The following SPTB variants were observed in gnomAD, a reference collection of about 807,000 sequenced individuals.
The protein encoded by SPTB is spectrin beta chain, erythrocytic.
In SPTB, 45 loss-of-function variants were observed where a neutral mutation model predicts 256.2. The observed-to-expected ratio is 0.18, with a 90% CI of 0.14 to 0.23. SPTB has a LOEUF of 0.23. Among genes scored for constraint, SPTB ranks in the 10% least tolerant of loss-of-function variants. The pLI, the probability that SPTB is intolerant of heterozygous loss-of-function variation, is 1.00. For synonymous variants in SPTB, 1,231 were observed against 1,243.1 expected (o/e 0.99, Z 0.21); for missense variants, 2,715 against 3,040.4 (o/e 0.89, Z 2.52).
chr14:64,875,839 GCA>G (rs1251763902), intron 1 of SPTB, among the ~76,000 whole-genome samples: 1 of 152,114 alleles, frequency 6.6e-6, no homozygotes, highest in Non-Finnish European at 1.5e-5. Context: ...AGCCCACATA[GCA>G]CAGTTATTTT....
intron 1 of SPTB, among the ~76,000 whole-genome samples, chr14:64,870,138 AAATAC>A (rs1882443480): frequency 6.6e-6 from 1 of 152,170 alleles, no homozygotes; most frequent in African/African-American, 2.4e-5. Flanking sequence ...GGTACTGTAA[AAATAC>A]AAAGGAGGAA....
chr14:64,823,973 C>T lies in SPTB; in HGVS notation c.-51-828G>A, dbSNP rs552948375. On this transcript the variant is annotated intron_variant, in intron 1 of 35. Coordinates refer to ENST00000644917, the MANE Select transcript of SPTB (RefSeq NM_001355436.2). The surrounding 1 kb of genome is among the most constrained non-coding windows in gnomAD (Gnocchi z 6.5). ...GCGCATCAGGAGCACTGGGTCCTCC[C>T]TCACCCGTCATCAGTCATTCCTACT... Among the ~76,000 whole-genome samples the T allele has an allele frequency of 6.6e-6, 1 of 152,290 alleles. No individual in the cohort carries two copies. Among genetic ancestry groups the T allele is most frequent in the East Asian group, 1.9e-4 (1 of 5,172 alleles).
rs535528314 is a variant in SPTB, at chr14:64,773,301, G to A, written c.5097C>T (p.Thr1699=). 1.2e-4 allele frequency: 191 copies of A among 1,614,172 alleles called. 4 individuals are homozygous for A. In the South Asian group the frequency reaches 1.8e-3, roughly 16 times the overall value. The change falls in exon 25 of 36, where the codon ACC becomes ACT. Residue 1699 remains threonine, a synonymous_variant. Coordinates refer to ENST00000644917, the MANE Select transcript of SPTB (RefSeq NM_001355436.2). ...CTGAAATCCACTGCTCCAGGTCGTC[G>A]GTCTCCCGCTTGAGCTGGAACAGGT... ...MYHLFQLKRE[T]DDLEQWISEK... is the part of the protein sequence containing the mutation.
chr14:64,850,696 G>A (rs143005400), intron 1 of SPTB, among the ~76,000 whole-genome samples: 3 of 152,298 alleles, frequency 2.0e-5, no homozygotes, highest in Non-Finnish European at 4.4e-5. Flanking sequence ...ACTTGTCATC[G>A]TGAAAATGGT....
In SPTB at chr14:64,799,784, C is replaced by A. The variant is rs149837193; in HGVS notation, c.1027G>T (p.Ala343Ser). 6.2e-7 allele frequency: 1 copy of A among 1,614,120 alleles called. No individual in the cohort carries two copies. Among genetic ancestry groups the A allele is most frequent in the African/African-American group, 1.3e-5 (1 of 74,942 alleles). ...SLTGVQQQLQ[A>S]FSTYRTVEKP... ...TCCACGGTGCGGTAGGTGCTGAAGG[C>A]CTGCAGCTGCTGCTGGACGCCCGTC... The change falls in exon 9 of 36, where the codon GCC (alanine) becomes TCC (serine). Residue 343 changes from alanine (A) to serine (S), a missense_variant. Physicochemically the swap from Ala to Ser is moderately conservative, Grantham distance 99. This residue lies in a region of SPTB where 416 missense variants were observed against 571.1 expected (regional missense o/e 0.73). Coordinates refer to ENST00000644917, the MANE Select transcript of SPTB (RefSeq NM_001355436.2).
intron 22 of SPTB, among the ~76,000 whole-genome samples, chr14:64,776,065 C>T (rs1038617876): frequency 6.6e-6 from 1 of 152,168 alleles, no homozygotes; most frequent in Non-Finnish European, 1.5e-5. Flanking sequence ...CTTCAGGAGG[C>T]CCTGACACGT....
At chr14:64,791,906 T>G in intron 14 of SPTB, 50 bp from the exon 15 acceptor site, 5 of 1,612,054 alleles carry the variant, frequency 3.1e-6, no homozygotes, top group Non-Finnish European at 4.2e-6. Flanking sequence ...GCAGCAGACA[T>G]TTCCTTGCCA....
At position 64,779,025 on chromosome 14, in the gene SPTB, C is replaced by T; in HGVS notation, c.4563+132G>A. ...TAAGATTACCAATACGGTTTGGAGA[C>T]CCCAAAGCTACCAACAAGAACAATA... On this transcript the variant is annotated intron_variant, in intron 22 of 35. Coordinates refer to ENST00000644917, the MANE Select transcript of SPTB (RefSeq NM_001355436.2). The surrounding 1 kb of genome is among the most constrained non-coding windows in gnomAD (Gnocchi z 4.2). The T allele has an allele frequency of 1.4e-6, 1 of 731,458 alleles. No individual in the cohort carries two copies. Among genetic ancestry groups the T allele is most frequent in the Non-Finnish European group, 2.4e-6 (1 of 415,644 alleles). 45.3% of individuals were successfully genotyped at this position (731,458 alleles called of 1,614,324 possible). A position where few individuals can be genotyped will look rare whatever the true frequency, so the allele number is the denominator to read the frequency against.
At chr14:64,830,031 C>G (rs568090468) in intron 1 of SPTB, among the ~76,000 whole-genome samples, 30 of 152,306 alleles carry the variant, frequency 2.0e-4, no homozygotes, top group Middle Eastern at 3.4e-3. Context: ...GATGTCGCTT[C>G]CTTGTGGAAG....
At chr14:64,868,775 C>T (rs968781189) in intron 1 of SPTB, among the ~76,000 whole-genome samples, 7 of 152,122 alleles carry the variant, frequency 4.6e-5, no homozygotes, top group African/African-American at 1.4e-4. Flanking sequence ...ACAATAATTC[C>T]GACCTTTTCT....
intron 33 of SPTB, among the ~76,000 whole-genome samples, chr14:64,750,541 C>T (rs1415509368): frequency 2.0e-5 from 3 of 151,844 alleles, no homozygotes; most frequent in Non-Finnish European, 4.4e-5. Context: ...TTTGGGAGGC[C>T]GAGGCGGGCG....
intron 1 of SPTB, among the ~76,000 whole-genome samples, chr14:64,862,307 G>A (rs572542314): frequency 1.3e-5 from 2 of 151,866 alleles, no homozygotes; most frequent in Non-Finnish European, 2.9e-5. Context: ...AGTGCCAGTG[G>A]GCACCACACA....
At chr14:64,842,728 C>T (rs1451928996) in intron 1 of SPTB, among the ~76,000 whole-genome samples, 2 of 152,134 alleles carry the variant, frequency 1.3e-5, no homozygotes, top group Admixed American at 6.5e-5. Flanking sequence ...CCTTTTGTGC[C>T]TCAGTTTCTC....
rs919182175 is a variant in SPTB at position 64,807,777 on chromosome 14, G to T, written c.149-2687C>A. ...CGGTGGCCTGGAGCCAGCTAGGCTG[G>T]GAACCCTGGTAGTGTGGACAGGAAG... On this transcript the variant is annotated intron_variant, in intron 2 of 35. Transcript: ENST00000644917. The surrounding 1 kb of genome is among the most constrained non-coding windows in gnomAD (Gnocchi z 4.7). Among the ~76,000 whole-genome samples, 1 of 152,222 alleles carries T rather than the reference G, an allele frequency of 6.6e-6. No individual in the cohort carries two copies. The highest frequency in any genetic ancestry group is 1.5e-5 in the Non-Finnish European group (1 of 68,038).
Position 64,795,704 on chromosome 14 carries a change from G to A in SPTB, c.1342-65C>T. ...CCCAGGGGCTCATCCCCAAACTCAG[G>A]GACAGGGCAGCTCCCTTCAGAACCA... On this transcript the variant is annotated intron_variant, in intron 11 of 35. Coordinates refer to ENST00000644917, the MANE Select transcript of SPTB (RefSeq NM_001355436.2). The surrounding 1 kb of genome is among the most constrained non-coding windows in gnomAD (Gnocchi z 6.5). The A allele has an allele frequency of 2.6e-6, 4 of 1,542,792 alleles. No homozygotes were observed. Among genetic ancestry groups the A allele is most frequent in the Non-Finnish European group, 3.6e-6 (4 of 1,119,570 alleles).
At chr14:64,791,627 T>G in intron 15 of SPTB, 92 bp downstream of exon 15, 1 of 940,492 alleles carries the variant, frequency 1.1e-6, no homozygotes, top group Admixed American at 1.8e-5. Flanking sequence ...TGTTGGTGCA[T>G]ACTAGGTGGA....
intron 1 of SPTB, among the ~76,000 whole-genome samples, chr14:64,878,716 G>A (rs1332880512): frequency 1.3e-5 from 2 of 152,080 alleles, no homozygotes; most frequent in African/African-American, 4.8e-5. Context: ...CCTACCTGGA[G>A]GTGACAGCCT....
intron 2 of SPTB, among the ~76,000 whole-genome samples, chr14:64,812,061 T>A (rs1453987148): frequency 1.3e-5 from 2 of 152,228 alleles, no homozygotes; most frequent in Non-Finnish European, 2.9e-5. Flanking sequence ...TATTTTTTAA[T>A]TAAAAAAAAT....
At chr14:64,766,030 T>C (rs1594751707) in intron 32 of SPTB, among the ~76,000 whole-genome samples, 1 of 146,754 alleles carries the variant, frequency 6.8e-6, no homozygotes, top group African/African-American at 2.6e-5. Context: ...CATATGTGTG[T>C]ATGTGGGTGT....
Sources: gnomAD v4.1 joint callset for allele counts (sites outside exome capture counted in the v4.1 genomes callset) on GRCh38, gnomAD v4.1.1 for gene constraint, gnomAD v4.1.1 regional missense constraint, Gnocchi (gnomAD v3.1) non-coding constraint, MANE v1.5 for transcripts, NCBI Gene and HGNC (gene_info 2026-07-23, HGNC 2026-07-21) for gene names.